Variants in IFT88 observed in about 807,000 individuals in gnomAD.
IFT88 encodes the protein intraflagellar transport 88, also known as intraflagellar transport protein 88 homolog.
A neutral mutation model predicts 119.5 loss-of-function variants in IFT88; 74 were observed. That is an observed-to-expected ratio of 0.62 (90% CI 0.51 to 0.75). IFT88 has a LOEUF of 0.75. Ranked by LOEUF, IFT88 falls within the 30% of genes least tolerant of loss-of-function variation. The probability of loss-of-function intolerance (pLI) is 0.00; values close to 1 mark genes in which losing one functional copy is unlikely to be tolerated. For synonymous variants in IFT88, 279 were observed against 316.7 expected, an observed-to-expected ratio of 0.88 and a Z score of 1.26; for missense variants, 961 against 977.7, an observed-to-expected ratio of 0.98 and a Z score of 0.23.
At chr13:20,602,319 C>G (rs1044640938) in intron 12 of IFT88, among the ~76,000 whole-genome samples, 39 of 150,160 alleles carry the variant, frequency 2.6e-4, no homozygotes, top group African/African-American at 9.5e-4. Context: ...ATTCTCATGC[C>G]TCAGCCTCCT....
intron 2 of IFT88, among the ~76,000 whole-genome samples, chr13:20,581,029 A>G (rs931574573): frequency 6.6e-6 from 1 of 152,034 alleles, no homozygotes; most frequent in African/African-American, 2.4e-5. Flanking sequence ...CGGCCTGAAG[A>G]TTATTATTTT....
chr13:20,630,502 C>A (rs1018022149), intron 15 of IFT88, among the ~76,000 whole-genome samples: 1 of 152,162 alleles, frequency 6.6e-6, no homozygotes, highest in Non-Finnish European at 1.5e-5. Context: ...TCACTGCCCA[C>A]CCCATTATGC....
rs549588436 is a variant in IFT88 at position 20,587,995 on chromosome 13, GC to G, written c.154-1815del. On this transcript the variant is annotated intron_variant, in intron 3 of 25. Coordinates refer to ENST00000351808, the MANE Select transcript of IFT88 (RefSeq NM_006531.5). ...CTTTAAATTTGCTATCTTACTATTTGCTTTTTTTTTTTTTTCCTGGCTCTTG... is the reference window on the plus strand; with the variant it reads ...CTTTAAATTTGCTATCTTACTATTTGTTTTTTTTTTTTTTCCTGGCTCTTG... Among the ~76,000 whole-genome samples the G allele has an allele frequency of 3.6e-4, 26 of 71,942 alleles. 1 individual carries two copies. In the East Asian group the frequency reaches 0.026, roughly 73 times the overall value. 47.2% of individuals were successfully genotyped at this position (71,942 alleles called of 152,430 possible). A position where few individuals can be genotyped will look rare whatever the true frequency, so the allele number is the denominator to read the frequency against.
intron 15 of IFT88, among the ~76,000 whole-genome samples, chr13:20,626,940 C>T (rs1336337229): frequency 2.0e-5 from 3 of 152,168 alleles, no homozygotes; most frequent in African/African-American, 7.2e-5. Flanking sequence ...CTCTCCCAAG[C>T]CTATGCTTTC....
rs59495184 is a variant in IFT88, at chr13:20,574,062, C to T, written c.-6-318C>T. ...TTATTTCTGGCCTGGCGTGGTGGCTCATGCTGGTAATCCCAGCATTTTGGG... is the reference window on the plus strand; with the variant it reads ...TTATTTCTGGCCTGGCGTGGTGGCTTATGCTGGTAATCCCAGCATTTTGGG... On this transcript the variant is annotated intron_variant, in intron 1 of 25. Coordinates refer to ENST00000351808, the MANE Select transcript of IFT88 (RefSeq NM_006531.5). Among the ~76,000 whole-genome samples, 49 of 152,300 alleles carry T rather than the reference C, an allele frequency of 3.2e-4. No homozygotes were observed. The East Asian group carries it at 7.9e-3, about 25-fold the overall frequency.
chr13:20,592,474 CA>C (rs2138724564), intron 7 of IFT88, 70 bp downstream of exon 7: 3 of 1,267,060 alleles, frequency 2.4e-6, no homozygotes, highest in East Asian at 2.4e-5. Context: ...TCCAAATACA[CA>C]ATTTTTTTTT....
At chr13:20,596,866 AGGGAAGTTTCTGGTAAGAGCAC>A in intron 8 of IFT88, 127 bp from the exon 9 acceptor site, 1 of 459,922 alleles carries the variant, frequency 2.2e-6, no homozygotes, top group South Asian at 6.6e-5. Flanking sequence ...TCCCTTTCCA[AGGGAAGTTTCTGGTAAGAGCAC>A]ACAGGGGTGT....
At chr13:20,655,436 C>G (rs1183472652) in intron 21 of IFT88, among the ~76,000 whole-genome samples, 1 of 113,328 alleles carries the variant, frequency 8.8e-6, no homozygotes, top group East Asian at 2.2e-4. Context: ...AACAAGACTC[C>G]ATCTCAAAAA....
chr13:20,673,216 T>G (rs1467769721), intron 24 of IFT88, among the ~76,000 whole-genome samples: 1 of 151,936 alleles, frequency 6.6e-6, no homozygotes, highest in African/African-American at 2.4e-5. Flanking sequence ...AACCTTATGT[T>G]AAGTTCTCTG....
intron 21 of IFT88, among the ~76,000 whole-genome samples, 166 bp from the exon 22 acceptor site, chr13:20,656,194 ATTTAT>A (rs919163463): frequency 6.6e-6 from 1 of 151,380 alleles, no homozygotes; most frequent in East Asian, 1.9e-4. Context: ...CTTATTTCAA[ATTTAT>A]TTTATCTATA....
At chr13:20,607,399 C>A in intron 13 of IFT88, 1 of 622,954 alleles carries the variant, frequency 1.6e-6, no homozygotes. Flanking sequence ...TTTGGGTGGT[C>A]CTCCTGTCCC....
chr13:20,608,357 G>A (rs1229358213), intron 13 of IFT88, among the ~76,000 whole-genome samples: 3 of 152,324 alleles, frequency 2.0e-5, no homozygotes, highest in African/African-American at 7.2e-5. Context: ...TGGGCTCTGG[G>A]CAAACCTAAA....
At chr13:20,682,652 A>C (rs2057456141) in intron 24 of IFT88, among the ~76,000 whole-genome samples, 1 of 152,210 alleles carries the variant, frequency 6.6e-6, no homozygotes, top group Non-Finnish European at 1.5e-5. Flanking sequence ...CCGGCTCGAG[A>C]AATCGAGTTT....
At chr13:20,568,409 A>G (rs148139025) in intron 1 of IFT88, among the ~76,000 whole-genome samples, 1 of 152,336 alleles carries the variant, frequency 6.6e-6, no homozygotes, top group East Asian at 1.9e-4. Context: ...ATCTTTTAAT[A>G]TTTGTATGTT....
At chr13:20,616,196 A>G (rs2045584338) in intron 14 of IFT88, among the ~76,000 whole-genome samples, 1 of 152,200 alleles carries the variant, frequency 6.6e-6, no homozygotes, top group Non-Finnish European at 1.5e-5. Flanking sequence ...GCTGTCTCGA[A>G]ATTGTAGCAT....
chr13:20,663,830 G>A (rs1270047966), intron 23 of IFT88, among the ~76,000 whole-genome samples: 2 of 152,184 alleles, frequency 1.3e-5, no homozygotes, highest in African/African-American at 4.8e-5. Context: ...TATCTTAGTG[G>A]ATAGCTACTA....
intron 14 of IFT88, among the ~76,000 whole-genome samples, chr13:20,624,791 A>G (rs1289131734): frequency 6.6e-6 from 1 of 152,222 alleles, no homozygotes; most frequent in African/African-American, 2.4e-5. Context: ...GTGCAGTGAT[A>G]TAAAATGATA....
At position 20,622,594 on chromosome 13, in the gene IFT88, T is replaced by A. The variant is rs79563765; in HGVS notation, c.1200-3156T>A. ...CTAATGACATATGATGTCGAGCATCTTTTCATGTACTTATTAGCTATTTGT... is the reference window on the plus strand; with the variant it reads ...CTAATGACATATGATGTCGAGCATCATTTCATGTACTTATTAGCTATTTGT... On this transcript the variant is annotated intron_variant, in intron 14 of 25. Transcript: ENST00000351808. 3.1e-3 allele frequency among the ~76,000 whole-genome samples: 466 copies of A among 152,358 alleles called. 1 individual carries two copies. Among genetic ancestry groups the A allele is most frequent in the African/African-American group, 0.011 (450 of 41,580 alleles).
At chr13:20,641,990 T>C (rs1296234415) in intron 18 of IFT88, 2 of 152,198 alleles carry the variant, frequency 1.3e-5, no homozygotes, top group Non-Finnish European at 2.9e-5. Flanking sequence ...AACTACAAAA[T>C]GTTGCGCTAA....
Sources: gnomAD v4.1 joint callset for allele counts (sites outside exome capture counted in the v4.1 genomes callset) on GRCh38, gnomAD v4.1.1 for gene constraint, MANE v1.5 for transcripts, NCBI Gene and HGNC (gene_info 2026-07-23, HGNC 2026-07-21) for gene names.